MATN4: variants seen among roughly 807,000 people sequenced by gnomAD.
MATN4 encodes the protein matrilin-4.
A neutral mutation model predicts 54.6 loss-of-function variants in MATN4; 40 were observed. The observed-to-expected ratio is 0.73, with a 90% CI of 0.57 to 0.95. The LOEUF (loss-of-function observed/expected upper bound fraction) is 0.95. Ranked by LOEUF, MATN4 falls within the 40% of genes least tolerant of loss-of-function variation. The pLI is 0.00. For missense variants in MATN4, 810 were observed against 819.1 expected (o/e 0.99, Z 0.13); for synonymous variants, 351 against 345.3 (o/e 1.02, Z -0.18).
In MATN4 at chr20:45,294,009, CCCT is replaced by C. The variant is rs1488520061; in HGVS notation, c.1583_1585del (p.Glu528del). 1 of 1,600,652 alleles carries C rather than the reference CCCT, an allele frequency of 6.2e-7. No homozygotes were observed. The highest frequency in any genetic ancestry group is 8.5e-7 in the Non-Finnish European group (1 of 1,179,238). On this transcript the variant is annotated inframe_deletion, in exon 9 of 10. Transcript: ENST00000372756. Reference sequence around the variant, plus strand: ...CCGAAGCTCTGTCCCTGCGCTGATGCCCTCCTCTGCAAGCCGGACACAGAGGGT... The same window carrying C: ...CCGAAGCTCTGTCCCTGCGCTGATGCCCTCTGCAAGCCGGACACAGAGGGT...
chr20:45,296,867 CT>C (rs1985871992), intron 8 of MATN4, among the ~76,000 whole-genome samples: 3 of 151,264 alleles, frequency 2.0e-5, no homozygotes, highest in African/African-American at 4.9e-5. Flanking sequence ...ATTATATATA[CT>C]TTTTTTGAGA....
rs760877613 is a variant in MATN4, at chr20:45,298,385, G to A, written c.1211C>T (p.Thr404Ile). 6.2e-7 allele frequency: 1 copy of A among 1,612,440 alleles called. No homozygotes were observed. The highest frequency in any genetic ancestry group is 8.5e-7 in the Non-Finnish European group (1 of 1,179,230). ...RTEFPLGRYG[T>I]AAEVKQAVLA... Reference sequence around the variant, plus strand: ...GACCGCCTGCTTCACCTCGGCTGCGGTGCCGTAGCGACCCAGAGGGAACTC... The same window carrying A: ...GACCGCCTGCTTCACCTCGGCTGCGATGCCGTAGCGACCCAGAGGGAACTC... Residue 404 changes from threonine (T) to isoleucine (I), a missense_variant, in exon 7 of 10, where the codon ACC becomes ATC. Physicochemically the swap from Thr to Ile is moderately conservative, Grantham distance 89. Coordinates refer to ENST00000372756, the MANE Select transcript of MATN4 (RefSeq NM_001393530.1). The surrounding 1 kb of genome is among the most constrained non-coding windows in gnomAD (Gnocchi z 4.6).
Position 45,293,749 on chromosome 20 carries a change from C to T in MATN4, c.*18G>A. ...CGTGGTGCCGCGCCCCAGCCCGGGT[C>T]TGGGCCGTCCGTGGCCCTCACTTCT... is the stretch of plus-strand genomic sequence containing the variant. On this transcript the variant is annotated 3_prime_UTR_variant, in exon 10 of 10. Coordinates refer to ENST00000372756, the MANE Select transcript of MATN4 (RefSeq NM_001393530.1). 6.3e-7 allele frequency: 1 copy of T among 1,599,732 alleles called. No homozygotes were observed. The highest frequency in any genetic ancestry group is 8.5e-7 in the Non-Finnish European group (1 of 1,177,278).
chr20:45,300,884 C>T lies in MATN4; in HGVS notation c.1012+3G>A. 3 of 1,612,416 alleles carry T rather than the reference C, an allele frequency of 1.9e-6. No homozygotes were observed. Among genetic ancestry groups the T allele is most frequent in the Non-Finnish European group, 2.5e-6 (3 of 1,180,030 alleles). ...ACAGAACACCCTCCCGCCCATCACTCACGGTTGCAGCTCTTGCCATCTGCC... is the reference window on the plus strand; with the variant it reads ...ACAGAACACCCTCCCGCCCATCACTTACGGTTGCAGCTCTTGCCATCTGCC... On this transcript the variant is annotated splice_donor_region_variant and intron_variant, in intron 6 of 9. Coordinates refer to ENST00000372756, the MANE Select transcript of MATN4 (RefSeq NM_001393530.1).
At position 45,293,924 on chromosome 20, in the gene MATN4, C is replaced by G. The variant is rs2741515; in HGVS notation, c.1671G>C (p.Glu557Asp). ...AAAGGATATGGTTCAGCGTCAGGCT[C>G]TCGAGCGCCCCCAGCGTGCGGCCCT... ...EFQGRTLGALESLTLNLAQLT... is the reference protein window; with the variant it reads ...EFQGRTLGALDSLTLNLAQLT... The change falls in exon 9 of 10, where the codon GAG becomes GAC. Residue 557 changes from glutamate (E) to aspartate (D), a missense_variant. Transcript: ENST00000372756. The G allele has an allele frequency of 5.0e-6, 8 of 1,601,832 alleles. No homozygotes were observed. The highest frequency in any genetic ancestry group is 1.7e-5 in the Admixed American group (1 of 58,654).
At chr20:45,304,190 G>A in intron 3 of MATN4, 38 bp downstream of exon 3, 1 of 1,430,798 alleles carries the variant, frequency 7.0e-7, no homozygotes, top group East Asian at 2.6e-5. Flanking sequence ...CATTTGGATT[G>A]AGAGTTCGAG....
In MATN4 at chr20:45,304,649, G is replaced by A. The variant is rs940944650; in HGVS notation, c.222C>T (p.Gly74=). 1 of 1,611,996 alleles carries A rather than the reference G, an allele frequency of 6.2e-7. No individual in the cohort carries two copies. The highest frequency in any genetic ancestry group is 8.5e-7 in the Non-Finnish European group (1 of 1,178,656). ...GCACTTGACTCGAATACTGGATCAC[G>A]CCAACGCGCGTGGCGTTGGGACCCA... is the stretch of plus-strand genomic sequence containing the variant. ...LNVGPNATRV[G]VIQYSSQVQS... is the part of the protein sequence containing the mutation. Residue 74 remains glycine, a synonymous_variant, in exon 3 of 10, where the codon GGC becomes GGT. Coordinates refer to ENST00000372756, the MANE Select transcript of MATN4 (RefSeq NM_001393530.1).
chr20:45,304,712 C>T lies in MATN4; in HGVS notation c.159G>A (p.Met53Ile). 6.2e-7 allele frequency: 1 copy of T among 1,612,270 alleles called. No homozygotes were observed. The highest frequency in any genetic ancestry group is 2.2e-5 in the East Asian group (1 of 44,804). The change falls in exon 3 of 10, where the codon ATG (methionine) becomes ATA (isoleucine). Residue 53 changes from methionine (M) to isoleucine (I), a missense_variant. Transcript: ENST00000372756. ...RSVRPFEFET[M>I]RQFLMGLLRG... ...GGAGGAGGCCCATGAGGAACTGCCG[C>T]ATGGTCTCGAACTCGAAAGGGCGCA...
At position 45,298,489 on chromosome 20, in the gene MATN4, G is replaced by A. The variant is rs757251802; in HGVS notation, c.1107C>T (p.Asn369=). ...QNFELVKRFV[N]QIVDFLDVSP... is the part of the protein sequence containing the mutation. ...ACACATCTAGGAAGTCCACAATCTG[G>A]TTCACGAAGCGCTTCACTAGCTCGA... The change falls in exon 7 of 10, where the codon AAC becomes AAT. Residue 369 remains asparagine (N), a synonymous_variant. Transcript: ENST00000372756. The surrounding 1 kb of genome is among the most constrained non-coding windows in gnomAD (Gnocchi z 4.6). 53 of 1,613,682 alleles carry A rather than the reference G, an allele frequency of 3.3e-5. No individual in the cohort carries two copies. The East Asian group carries it at 1.1e-3, about 33-fold the overall frequency.
chr20:45,304,865 A>T, intron 2 of MATN4, 68 bp from the exon 3 acceptor site: 1 of 1,016,500 alleles, frequency 9.8e-7, no homozygotes, highest in Non-Finnish European at 1.4e-6. Flanking sequence ...CCCCCTAGGA[A>T]ACCCAGGGGA....
chr20:45,305,620 G>A lies in MATN4; in HGVS notation c.-34-4C>T. 6.9e-7 allele frequency: 1 copy of A among 1,439,208 alleles called. No homozygotes were observed. The highest frequency in any genetic ancestry group is 9.6e-7 in the Non-Finnish European group (1 of 1,044,862). The allele number at this position is 1,439,208 out of a possible 1,614,324, so 89.2% of individuals were successfully genotyped here. Reference sequence around the variant, plus strand: ...CAGAGAATGGAGGTGTCAGAGCCTGGAGGGAGGAAGGAAAATAGAAAAGCA... The same window carrying A: ...CAGAGAATGGAGGTGTCAGAGCCTGAAGGGAGGAAGGAAAATAGAAAAGCA... On this transcript the variant is annotated splice_region_variant and splice_polypyrimidine_tract_variant and intron_variant, in intron 1 of 9. Transcript: ENST00000372756.
intron 1 of MATN4, chr20:45,306,742 C>G: frequency 2.3e-6 from 1 of 442,992 alleles, no homozygotes; most frequent in Non-Finnish European, 3.8e-6. Context: ...CACATCTGCC[C>G]AGCAGGTGCG....
chr20:45,302,028 T>C (rs60442246), intron 3 of MATN4, among the ~76,000 whole-genome samples: 2,699 of 152,176 alleles, frequency 0.018, 81 homozygotes, highest in African/African-American at 0.061. Context: ...GCACGCGCTA[T>C]GAGTTACTTA....
At chr20:45,299,791 T>A (rs1341791278) in intron 6 of MATN4, among the ~76,000 whole-genome samples, 1 of 146,044 alleles carries the variant, frequency 6.8e-6, no homozygotes, top group Admixed American at 7.1e-5. Flanking sequence ...AACAGGAGAA[T>A]CAGTTGAGCC....
At chr20:45,294,062 C>T (rs1985659083) in intron 8 of MATN4, 47 bp from the exon 9 acceptor site, 1 of 1,467,182 alleles carries the variant, frequency 6.8e-7, no homozygotes, top group Non-Finnish European at 9.4e-7. Flanking sequence ...ATTGCCCTAG[C>T]TTTGGCCCTC....
chr20:45,305,064 C>T (rs1486806731), intron 2 of MATN4, among the ~76,000 whole-genome samples: 2 of 152,106 alleles, frequency 1.3e-5, no homozygotes, highest in Non-Finnish European at 2.9e-5. Context: ...AAACTCAAAG[C>T]CTGCAGGGAC....
In MATN4 at chr20:45,298,314, A is replaced by G; in HGVS notation, c.1282T>C (p.Leu428=). The stretch of plus-strand genomic sequence containing the variant: ...AAGCTGTGCTCCACCATGTGCCGCA[A>G]CGCCAGCCCTGTCATGGTGCCGCGT... ...MERGTMTGLA[L]RHMVEHSFSE... The change falls in exon 7 of 10, where the codon TTG becomes CTG. Residue 428 remains leucine (L), a synonymous_variant. Coordinates refer to ENST00000372756, the MANE Select transcript of MATN4 (RefSeq NM_001393530.1). The surrounding 1 kb of genome is among the most constrained non-coding windows in gnomAD (Gnocchi z 4.6). 6.2e-7 allele frequency: 1 copy of G among 1,613,450 alleles called. No individual in the cohort carries two copies. The highest frequency in any genetic ancestry group is 8.5e-7 in the Non-Finnish European group (1 of 1,179,884).
At position 45,304,807 on chromosome 20, in the gene MATN4, G is replaced by A; in HGVS notation, c.74-10C>T. On this transcript the variant is annotated splice_polypyrimidine_tract_variant and intron_variant, in intron 2 of 9. Transcript: ENST00000372756. The stretch of plus-strand genomic sequence containing the variant: ...GTGTGACACCTGGGACCTGCGGGGA[G>A]ATCAGGGAGGACTCTCCTAGGTCAG... 1 of 1,545,728 alleles carries A rather than the reference G, an allele frequency of 6.5e-7. No individual in the cohort carries two copies.
intron 1 of MATN4, among the ~76,000 whole-genome samples, chr20:45,307,711 C>A (rs1986854713): frequency 1.3e-5 from 2 of 152,208 alleles, no homozygotes; most frequent in African/African-American, 4.8e-5. Context: ...AAGTTCATCA[C>A]CTTTCCAAAC....
Sources: gnomAD v4.1 joint callset for allele counts (sites outside exome capture counted in the v4.1 genomes callset) on GRCh38, gnomAD v4.1.1 for gene constraint, Gnocchi (gnomAD v3.1) non-coding constraint, MANE v1.5 for transcripts, NCBI Gene and HGNC (gene_info 2026-07-23, HGNC 2026-07-21) for gene names.